Variants in IL1RAPL2 observed in about 807,000 individuals in gnomAD.
The protein encoded by IL1RAPL2 is interleukin 1 receptor accessory protein like 2.
A neutral mutation model predicts 44.1 loss-of-function variants in IL1RAPL2; 3 were observed. The observed-to-expected ratio is 0.07, with a 90% CI of 0.03 to 0.18. IL1RAPL2 has a LOEUF of 0.18. IL1RAPL2 is among the 10% of genes least tolerant of loss of function. The pLI is 1.00. For missense variants in IL1RAPL2, 391 were observed against 496.4 expected (o/e 0.79, Z 2.02); for synonymous variants, 181 against 178.8 (o/e 1.01, Z -0.10).
intron 2 of IL1RAPL2, among the ~76,000 whole-genome samples, chrX:104,848,427 A>G (rs915685283): frequency 9.6e-5 from 9 of 93,973 alleles, no homozygotes; most frequent in Admixed American, 3.6e-4. Context: ...ATATATATAT[A>G]TATATATATA....
chrX:105,579,488 GAATA>G (rs1177715179), intron 6 of IL1RAPL2, among the ~76,000 whole-genome samples: 1 of 111,324 alleles, frequency 9.0e-6, no homozygotes, highest in African/African-American at 3.3e-5. Flanking sequence ...ATCAGGCTGA[GAATA>G]AATAATACTA....
At chrX:105,430,351 G>A (rs755342774) in intron 5 of IL1RAPL2, among the ~76,000 whole-genome samples, 1 of 111,153 alleles carries the variant, frequency 9.0e-6, no homozygotes, top group South Asian at 3.8e-4. Flanking sequence ...AGAATTCCAG[G>A]TACTCATTAC....
chrX:104,579,950 T>G (rs1676975805), intron 1 of IL1RAPL2, among the ~76,000 whole-genome samples: 1 of 110,942 alleles, frequency 9.0e-6, no homozygotes, highest in Non-Finnish European at 1.9e-5. Context: ...TATTAGAATC[T>G]TCCCCACCCC....
intron 2 of IL1RAPL2, among the ~76,000 whole-genome samples, chrX:104,828,783 G>A (rs1053675087): frequency 1.8e-5 from 2 of 112,645 alleles, no homozygotes; most frequent in African/African-American, 6.4e-5. Context: ...TTATCTATAA[G>A]CCCCTGACTG....
At chrX:104,718,987 T>C (rs1329177524) in intron 2 of IL1RAPL2, among the ~76,000 whole-genome samples, 1 of 111,721 alleles carries the variant, frequency 9.0e-6, no homozygotes, top group Non-Finnish European at 1.9e-5. Context: ...AAACACATAG[T>C]GGGTTGTAGT....
At chrX:104,895,870 C>T (rs974644100) in intron 2 of IL1RAPL2, among the ~76,000 whole-genome samples, 19 of 111,706 alleles carry the variant, frequency 1.7e-4, no homozygotes, top group Non-Finnish European at 3.0e-4. Flanking sequence ...CTGTCTTCTG[C>T]GTCACTCACA....
chrX:105,760,586 C>G (rs931915361), intron 10 of IL1RAPL2, among the ~76,000 whole-genome samples: 1 of 112,171 alleles, frequency 8.9e-6, no homozygotes, highest in Non-Finnish European at 1.9e-5. Flanking sequence ...TTCACACCGT[C>G]ATGCTTCCCC....
chrX:104,955,475 C>T (rs976363896), intron 2 of IL1RAPL2, among the ~76,000 whole-genome samples: 1 of 103,031 alleles, frequency 9.7e-6, no homozygotes, highest in African/African-American at 3.9e-5. Context: ...ATGTTATACT[C>T]CCAGATATAT....
chrX:104,884,362 G>T (rs1339320275), intron 2 of IL1RAPL2, among the ~76,000 whole-genome samples: 1 of 111,890 alleles, frequency 8.9e-6, no homozygotes, highest in African/African-American at 3.3e-5. Context: ...TGGGCAAGAG[G>T]TGTTTCTGCT....
chrX:105,257,475 G>A (rs5962496), intron 4 of IL1RAPL2, among the ~76,000 whole-genome samples: 16,075 of 110,794 alleles, frequency 0.15, 2,278 homozygotes, highest in African/African-American at 0.44. Flanking sequence ...TGTTAAGTTC[G>A]GGTCTTGAAT....
chrX:105,729,377 A>G (rs751273935), intron 7 of IL1RAPL2, among the ~76,000 whole-genome samples: 2 of 111,645 alleles, frequency 1.8e-5, no homozygotes, highest in East Asian at 5.7e-4. Flanking sequence ...TGTCAGTAAT[A>G]CTGGGTTTCA....
chrX:105,017,241 T>TA (rs993506804), intron 2 of IL1RAPL2, among the ~76,000 whole-genome samples: 5 of 110,620 alleles, frequency 4.5e-5, no homozygotes, highest in Non-Finnish European at 7.6e-5. Flanking sequence ...TGTTGATCTT[T>TA]AAAAAAAACC....
chrX:105,183,072 G>T (rs1556131804), intron 2 of IL1RAPL2, among the ~76,000 whole-genome samples: 1 of 111,197 alleles, frequency 9.0e-6, no homozygotes, highest in East Asian at 2.8e-4. Context: ...CGAGTGGAGG[G>T]TGGTGTTTCA....
At chrX:105,688,412 T>G (rs1184859740) in intron 6 of IL1RAPL2, among the ~76,000 whole-genome samples, 1 of 111,268 alleles carries the variant, frequency 9.0e-6, no homozygotes, top group East Asian at 2.8e-4. Flanking sequence ...ATCACAAGCT[T>G]TCCTATACAC....
intron 2 of IL1RAPL2, among the ~76,000 whole-genome samples, chrX:104,888,281 GGA>G (rs1161477214): frequency 9.6e-6 from 1 of 104,621 alleles, no homozygotes; most frequent in Non-Finnish European, 2.0e-5. Context: ...AGACAAGGAA[GGA>G]GAGAGAGAGG....
intron 1 of IL1RAPL2, among the ~76,000 whole-genome samples, chrX:104,658,356 A>G (rs1025376884): frequency 3.6e-5 from 4 of 112,185 alleles, no homozygotes; most frequent in African/African-American, 9.7e-5. Context: ...TGAGCAAACT[A>G]TCACAAGGAC....
chrX:104,850,783 G>C (rs1420149954), intron 2 of IL1RAPL2, among the ~76,000 whole-genome samples: 1 of 110,566 alleles, frequency 9.0e-6, no homozygotes, highest in African/African-American at 3.3e-5. Flanking sequence ...ATTTAAAGTG[G>C]GTAGAAAAAA....
At chrX:104,681,678 T>G (rs1253560657) in intron 2 of IL1RAPL2, among the ~76,000 whole-genome samples, 1 of 112,768 alleles carries the variant, frequency 8.9e-6, no homozygotes, top group Non-Finnish European at 1.9e-5. Context: ...GGTTAGAGAC[T>G]TACTTACCTA....
Position 105,767,547 on chromosome X carries a change from C to T in IL1RAPL2, c.1947C>T (p.Leu649=). ...ATTGTAACCTGCCTCTGACGCTACTCAACGGACAGCTACCCCTTAATAACA... is the reference window on the plus strand; with the variant it reads ...ATTGTAACCTGCCTCTGACGCTACTTAACGGACAGCTACCCCTTAATAACA... ...HTYCNLPLTL[L]NGQLPLNNTL... Residue 649 remains leucine, a synonymous_variant, in exon 11 of 11, where the codon CTC becomes CTT. Coordinates refer to ENST00000372582, the MANE Select transcript of IL1RAPL2 (RefSeq NM_017416.2). The T allele has an allele frequency of 1.7e-6, 2 of 1,209,603 alleles. No individual in the cohort carries two copies. Among genetic ancestry groups the T allele is most frequent in the Non-Finnish European group, 2.2e-6 (2 of 893,624 alleles).
Sources: allele counts gnomAD v4.1 joint callset (sites outside exome capture counted in the v4.1 genomes callset), GRCh38; gene constraint gnomAD v4.1.1; transcripts MANE v1.5; gene names NCBI Gene and HGNC (gene_info 2026-07-23, HGNC 2026-07-21).